Variants in ZNF131 observed in about 807,000 individuals in gnomAD.
ZNF131 encodes the protein zinc finger and BTB domain containing 35.
In ZNF131, 7 loss-of-function variants were observed where a neutral mutation model predicts 60.0. That is an observed-to-expected ratio of 0.12 (90% CI 0.07 to 0.22). The LOEUF (loss-of-function observed/expected upper bound fraction) is 0.22, where lower values mean the gene tolerates loss of function less well. ZNF131 is among the 10% of genes least tolerant of loss of function. The pLI is 1.00. For missense variants in ZNF131, 493 were observed against 740.9 expected, an observed-to-expected ratio of 0.67 and a Z score of 3.88; for synonymous variants, 257 against 253.2, an observed-to-expected ratio of 1.01 and a Z score of -0.14.
chr5:43,123,185 CT>C (rs757362413), intron 2 of ZNF131, 23 bp from the exon 3 acceptor site: 35 of 1,530,438 alleles, frequency 2.3e-5, no homozygotes, highest in Admixed American at 1.0e-4. Flanking sequence ...GTATGATTTT[CT>C]TTTTTTTTCT....
chr5:43,145,408 T>G (rs939725650), intron 4 of ZNF131, among the ~76,000 whole-genome samples: 2 of 150,624 alleles, frequency 1.3e-5, no homozygotes, highest in Non-Finnish European at 3.0e-5. Flanking sequence ...ATTCCAGCAC[T>G]TTGGGAGGCC....
chr5:43,153,413 T>A (rs1748563085), intron 4 of ZNF131, among the ~76,000 whole-genome samples: 1 of 133,992 alleles, frequency 7.5e-6, no homozygotes, highest in Non-Finnish European at 1.5e-5. Flanking sequence ...TCACCTAAGG[T>A]CAGGAGTTGG....
At chr5:43,159,819 A>C (rs1194390405) in intron 4 of ZNF131, among the ~76,000 whole-genome samples, 1 of 152,000 alleles carries the variant, frequency 6.6e-6, no homozygotes, top group Non-Finnish European at 1.5e-5. Flanking sequence ...ATTTTGATGA[A>C]ATCTATTTTA....
intron 3 of ZNF131, among the ~76,000 whole-genome samples, chr5:43,127,664 TC>T (rs146222434): frequency 0.053 from 8,017 of 152,334 alleles, 315 homozygotes; most frequent in South Asian, 0.13. Flanking sequence ...TTTTCTGTGT[TC>T]CTGGTTAAAG....
At chr5:43,151,657 A>G (rs1260951711) in intron 4 of ZNF131, among the ~76,000 whole-genome samples, 1 of 151,548 alleles carries the variant, frequency 6.6e-6, no homozygotes, top group Non-Finnish European at 1.5e-5. Flanking sequence ...CGGGTCTCCA[A>G]CTCCCGACCT....
chr5:43,174,776 C>G lies in ZNF131; in HGVS notation c.1515C>G (p.Asp505Glu). ...VEQVHPDLLQ[D>E]SQVHDSHMSE... ...AAGTCCATCCAGATCTGCTCCAGGA[C>G]AGCCAGGTGCACGATTCACACATGA... The change falls in exon 7 of 7, where the codon GAC (aspartate) becomes GAG (glutamate). Residue 505 changes from aspartate (D) to glutamate (E), a missense_variant. Coordinates refer to ENST00000682664, the MANE Select transcript of ZNF131 (RefSeq NM_001330707.2). 6.2e-7 allele frequency: 1 copy of G among 1,614,176 alleles called. No homozygotes were observed. The highest frequency in any genetic ancestry group is 8.5e-7 in the Non-Finnish European group (1 of 1,180,022).
intron 4 of ZNF131, among the ~76,000 whole-genome samples, chr5:43,149,660 C>G (rs2111707842): frequency 6.6e-6 from 1 of 152,266 alleles, no homozygotes; most frequent in East Asian, 1.9e-4. Flanking sequence ...CATTCTGCAG[C>G]CTATGAATGC....
intron 3 of ZNF131, among the ~76,000 whole-genome samples, chr5:43,129,146 G>A (rs879788185): frequency 2.2e-5 from 3 of 138,644 alleles, no homozygotes; most frequent in Admixed American, 7.7e-5. Flanking sequence ...ATGTTGGCCA[G>A]GCTGGTCTCA....
intron 4 of ZNF131, among the ~76,000 whole-genome samples, chr5:43,159,032 T>A (rs558223957): frequency 6.6e-6 from 1 of 152,272 alleles, no homozygotes; most frequent in Admixed American, 6.5e-5. Flanking sequence ...CAGTATAAAT[T>A]TCATTTTTAT....
In ZNF131 at chr5:43,174,957, C is replaced by A; in HGVS notation, c.1696C>A (p.His566Asn). ...TGAACTTCTAGAAGCAGATTTGGACCACGTGACCCCAGAAATCATGAACCA... is the reference window on the plus strand; with the variant it reads ...TGAACTTCTAGAAGCAGATTTGGACAACGTGACCCCAGAAATCATGAACCA... ...QTELLEADLD[H>N]VTPEIMNQEE... Residue 566 changes from histidine (H) to asparagine (N), a missense_variant, in exon 7 of 7, where the codon CAC becomes AAC. Coordinates refer to ENST00000682664, the MANE Select transcript of ZNF131 (RefSeq NM_001330707.2). 1 of 1,614,020 alleles carries A rather than the reference C, an allele frequency of 6.2e-7. No individual in the cohort carries two copies. Among genetic ancestry groups the A allele is most frequent in the Non-Finnish European group, 8.5e-7 (1 of 1,180,030 alleles).
chr5:43,152,104 G>A (rs150317820), intron 4 of ZNF131, among the ~76,000 whole-genome samples: 56 of 152,036 alleles, frequency 3.7e-4, no homozygotes, highest in African/African-American at 1.3e-3. Flanking sequence ...CCAGGTTCAA[G>A]TGATTCTCCT....
chr5:43,121,992 C>T lies in ZNF131; in HGVS notation c.-15-47C>T, dbSNP rs556121503. On this transcript the variant is annotated intron_variant, in intron 1 of 6. Coordinates refer to ENST00000682664, the MANE Select transcript of ZNF131 (RefSeq NM_001330707.2). ...GTTTTATGCTTTAGGGGTTTTGTTC[C>T]TCGGCTCGAGCTCATGGGTGTACAT... 1.0e-4 allele frequency: 161 copies of T among 1,574,764 alleles called. 1 individual carries two copies. The Middle Eastern group carries it at 1.0e-3, about 10-fold the overall frequency.
At chr5:43,130,263 C>CAAAAAAAAAAAAAAAAAAA (rs765959932) in intron 3 of ZNF131, among the ~76,000 whole-genome samples, 437 of 33,060 alleles carry the variant, frequency 0.013, 73 homozygotes, top group Middle Eastern at 0.048. Flanking sequence ...GACTCTGTCT[C>CAAAAAAAAAAAAAAAAAAA]CAAAAAAAAA....
chr5:43,161,124 A>G, intron 4 of ZNF131, 125 bp from the exon 5 acceptor site: 1 of 813,834 alleles, frequency 1.2e-6, no homozygotes, highest in Non-Finnish European at 1.9e-6. Context: ...ATCAGGTAGG[A>G]TAAGCCCTGC....
intron 2 of ZNF131, among the ~76,000 whole-genome samples, chr5:43,122,696 A>G (rs943612876): frequency 3.3e-5 from 5 of 152,310 alleles, no homozygotes; most frequent in African/African-American, 9.6e-5. Flanking sequence ...CAGCGTGGGT[A>G]TGTTTTCTGT....
At chr5:43,130,604 GC>G (rs1458432089) in intron 3 of ZNF131, among the ~76,000 whole-genome samples, 1 of 151,924 alleles carries the variant, frequency 6.6e-6, no homozygotes. Flanking sequence ...TGCTCTTGTT[GC>G]CCAGGCTGGA....
At chr5:43,131,661 T>A (rs1192959903) in intron 3 of ZNF131, among the ~76,000 whole-genome samples, 4 of 152,206 alleles carry the variant, frequency 2.6e-5, no homozygotes, top group African/African-American at 9.7e-5. Context: ...ATAGTTTACA[T>A]CCCTAGCATA....
intron 4 of ZNF131, among the ~76,000 whole-genome samples, chr5:43,155,948 A>G (rs1748909590): frequency 6.6e-6 from 1 of 152,134 alleles, no homozygotes; most frequent in Admixed American, 6.5e-5. Flanking sequence ...ATCAATATAT[A>G]ACATAAACTA....
At chr5:43,128,475 GA>G (rs1744846178) in intron 3 of ZNF131, among the ~76,000 whole-genome samples, 2 of 151,774 alleles carry the variant, frequency 1.3e-5, no homozygotes, top group Admixed American at 1.3e-4. Context: ...CTGACAGAGT[GA>G]AACCCCGTCT....
Sources: allele counts gnomAD v4.1 joint callset (sites outside exome capture counted in the v4.1 genomes callset), GRCh38; gene constraint gnomAD v4.1.1; transcripts MANE v1.5; gene names NCBI Gene and HGNC (gene_info 2026-07-23, HGNC 2026-07-21).